Variants in ISY1 observed in about 807,000 individuals in gnomAD.
The protein encoded by ISY1 is pre-mRNA-splicing factor ISY1 homolog.
In ISY1, 12 loss-of-function variants were observed where a neutral mutation model predicts 54.4. The observed-to-expected ratio is 0.22, with a 90% CI of 0.14 to 0.36. ISY1 has a LOEUF of 0.36. Ranked by LOEUF, ISY1 falls within the 10% of genes least tolerant of loss-of-function variation. ISY1 has a pLI of 1.00. For synonymous variants in ISY1, 96 were observed against 117.9 expected (o/e 0.81, Z 1.20); for missense variants, 282 against 342.2 (o/e 0.82, Z 1.39).
At chr3:129,134,735 C>G in intron 8 of ISY1, 97 bp downstream of exon 8, 1 of 1,439,638 alleles carries the variant, frequency 6.9e-7, no homozygotes, top group Non-Finnish European at 9.3e-7. Context: ...AAAGAAAACT[C>G]CCTTCTGGCA....
Position 129,158,557 on chromosome 3 carries a change from G to A in ISY1, c.29C>T (p.Thr10Met), listed in dbSNP as rs1488554239. 6.2e-7 allele frequency: 1 copy of A among 1,613,768 alleles called. No individual in the cohort carries two copies. ...AGCCTGGCGAAATCTTGCTAAGGCC[G>A]TCCTACCAGCGATATAAAAGATAAA... is the stretch of plus-strand genomic sequence containing the variant. MARNAEKAMTALARFRQAQL... is the reference protein window; with the variant it reads MARNAEKAMMALARFRQAQL... Residue 10 changes from threonine (T) to methionine (M), a missense_variant and splice_region_variant, in exon 3 of 11, where the codon ACG (threonine) becomes ATG (methionine). Transcript: ENST00000393295.
At position 129,129,032 on chromosome 3, in the gene ISY1, C is replaced by G. The variant is rs1936168587; in HGVS notation, c.*1049G>C. ...GGGTCGGCTCACTCCCACCTAGACTCCTGGGATCTGGTCCTGTCTTTGCCA... is the reference window on the plus strand; with the variant it reads ...GGGTCGGCTCACTCCCACCTAGACTGCTGGGATCTGGTCCTGTCTTTGCCA... On this transcript the variant is annotated 3_prime_UTR_variant, in exon 11 of 11. Transcript: ENST00000393295. The G allele has an allele frequency of 6.6e-6, 1 of 152,384 alleles. No individual in the cohort carries two copies. The highest frequency in any genetic ancestry group is 1.5e-5 in the Non-Finnish European group (1 of 68,182). The allele number at this position is 152,384 out of a possible 1,614,324, so 9.4% of individuals were successfully genotyped here. A position where few individuals can be genotyped will look rare whatever the true frequency, so the allele number is the denominator to read the frequency against.
At chr3:129,137,272 G>C in intron 7 of ISY1, 3 of 969,286 alleles carry the variant, frequency 3.1e-6, no homozygotes, top group Non-Finnish European at 3.7e-6. Context: ...GTTACCTCTA[G>C]GAGGGGCACT....
intron 3 of ISY1, among the ~76,000 whole-genome samples, chr3:129,157,777 A>T (rs1390679092): frequency 6.6e-6 from 1 of 151,990 alleles, no homozygotes; most frequent in Non-Finnish European, 1.5e-5. Flanking sequence ...AGAAACTGAA[A>T]AACAAGCAGC....
At chr3:129,135,714 G>A (rs952897053) in intron 7 of ISY1, among the ~76,000 whole-genome samples, 7 of 149,432 alleles carry the variant, frequency 4.7e-5, no homozygotes, top group African/African-American at 1.2e-4. Flanking sequence ...TGCAGTGAGC[G>A]AAGACTGCAC....
At chr3:129,135,541 G>A (rs180686314) in intron 7 of ISY1, among the ~76,000 whole-genome samples, 1 of 152,008 alleles carries the variant, frequency 6.6e-6, no homozygotes, top group African/African-American at 2.4e-5. Context: ...CGAGGCGGGA[G>A]AATCACGAGG....
intron 10 of ISY1, among the ~76,000 whole-genome samples, 170 bp from the exon 11 acceptor site, chr3:129,130,358 T>C (rs145590703): frequency 8.5e-5 from 13 of 152,316 alleles, no homozygotes; most frequent in Admixed American, 2.0e-4. Flanking sequence ...ATTTGAACGA[T>C]AGAATGGCCT....
chr3:129,136,691 C>CTT (rs554610124), intron 7 of ISY1, among the ~76,000 whole-genome samples: 3 of 128,516 alleles, frequency 2.3e-5, no homozygotes, highest in Admixed American at 7.9e-5. Flanking sequence ...TCTTCTTCTT[C>CTT]TTTTTTTTTT....
Position 129,161,055 on chromosome 3 carries a change from A to C in ISY1, c.-80T>G. On this transcript the variant is annotated 5_prime_UTR_variant, in exon 1 of 11. Coordinates refer to ENST00000393295, the MANE Select transcript of ISY1 (RefSeq NM_020701.4). ...ACAGGCCCAGAAGACGCCGACGCTCACAGGAACTGAAGATTCCAACTACCC... is the reference window on the plus strand; with the variant it reads ...ACAGGCCCAGAAGACGCCGACGCTCCCAGGAACTGAAGATTCCAACTACCC... 2 of 1,538,002 alleles carry C rather than the reference A, an allele frequency of 1.3e-6. No individual in the cohort carries two copies.
Position 129,134,899 on chromosome 3 carries a change from C to G in ISY1, c.474G>C (p.Glu158Asp), listed in dbSNP as rs1347328064. Reference sequence around the variant, plus strand: ...CATCTTCATCTAGGTAACCATAGTACTCAAAATCGATTGCCTTCATGAGCT... The same window carrying G: ...CATCTTCATCTAGGTAACCATAGTAGTCAAAATCGATTGCCTTCATGAGCT... ...RAELMKAIDF[E>D]YYGYLDEDDG... Residue 158 changes from glutamate to aspartate, a missense_variant, in exon 8 of 11, where the codon GAG becomes GAC. Around this residue, in one of 2 missense-constraint regions of ISY1, gnomAD observed 279 missense variants for 323.6 expected, o/e 0.86. Coordinates refer to ENST00000393295, the MANE Select transcript of ISY1 (RefSeq NM_020701.4). 6.2e-7 allele frequency: 1 copy of G among 1,611,706 alleles called. No individual in the cohort carries two copies. The highest frequency in any genetic ancestry group is 8.5e-7 in the Non-Finnish European group (1 of 1,178,416).
At chr3:129,137,985 T>C in intron 7 of ISY1, among the ~76,000 whole-genome samples, 1 of 113,844 alleles carries the variant, frequency 8.8e-6, no homozygotes, top group East Asian at 2.8e-4. Context: ...CCACTAAAAA[T>C]ACAAATTAGT....
chr3:129,130,257 G>T, intron 10 of ISY1, 69 bp from the exon 11 acceptor site: 1 of 1,515,200 alleles, frequency 6.6e-7, no homozygotes. Flanking sequence ...ACCCAGCCAG[G>T]AGGAAGTCCC....
chr3:129,157,497 T>C (rs949491520), intron 3 of ISY1, among the ~76,000 whole-genome samples: 5 of 152,024 alleles, frequency 3.3e-5, no homozygotes, highest in African/African-American at 7.2e-5. Context: ...GGCAGGCAGA[T>C]TGCCTGAGGC....
chr3:129,157,182 A>G (rs1172071737), intron 3 of ISY1, among the ~76,000 whole-genome samples: 1 of 152,208 alleles, frequency 6.6e-6, no homozygotes, highest in East Asian at 1.9e-4. Flanking sequence ...TAGCTATTTC[A>G]TGGCATATTT....
chr3:129,144,719 T>C (rs371534829), intron 6 of ISY1, among the ~76,000 whole-genome samples: 2 of 152,124 alleles, frequency 1.3e-5, no homozygotes, highest in Non-Finnish European at 2.9e-5. Flanking sequence ...TGTGATTGTG[T>C]GTGTGTGTGT....
At chr3:129,150,743 A>G (rs370691959) in intron 5 of ISY1, among the ~76,000 whole-genome samples, 2 of 152,196 alleles carry the variant, frequency 1.3e-5, no homozygotes, top group African/African-American at 4.8e-5. Context: ...ATTTATACCT[A>G]AGTTATTTCT....
intron 5 of ISY1, 109 bp from the exon 6 acceptor site, chr3:129,145,982 G>C: frequency 1.0e-6 from 1 of 997,434 alleles, no homozygotes; most frequent in African/African-American, 1.6e-5. Flanking sequence ...ACCTACAAAG[G>C]TATACTACAT....
chr3:129,160,581 G>A (rs1486397272), intron 1 of ISY1, among the ~76,000 whole-genome samples: 1 of 151,968 alleles, frequency 6.6e-6, no homozygotes, highest in African/African-American at 2.4e-5. Flanking sequence ...ACTGAGAACG[G>A]ACATAAATGA....
chr3:129,149,634 T>TAC (rs1391835115), intron 5 of ISY1, among the ~76,000 whole-genome samples: 816 of 81,244 alleles, frequency 0.01, 26 homozygotes, highest in Non-Finnish European at 0.015. Context: ...TATATATATA[T>TAC]ATACACAAAA....
Sources: allele counts gnomAD v4.1 joint callset (sites outside exome capture counted in the v4.1 genomes callset), GRCh38; gene constraint gnomAD v4.1.1; regional missense constraint gnomAD v4.1.1; transcripts MANE v1.5; gene names NCBI Gene and HGNC (gene_info 2026-07-23, HGNC 2026-07-21).